The following CACNA2D4 variants were observed in gnomAD, a reference collection of about 807,000 sequenced individuals.
CACNA2D4 encodes the protein calcium voltage-gated channel auxiliary subunit alpha2delta 4, also known as voltage-dependent calcium channel subunit alpha-2/delta-4.
A neutral mutation model predicts 163.8 loss-of-function variants in CACNA2D4; 157 were observed. That is an observed-to-expected ratio of 0.96 (90% CI 0.84 to 1.09). The LOEUF (loss-of-function observed/expected upper bound fraction) is 1.09. Ranked by LOEUF, CACNA2D4 falls within the 50% of genes least tolerant of loss-of-function variation. CACNA2D4 has a pLI of 0.00. For synonymous variants in CACNA2D4, 598 were observed against 586.9 expected (o/e 1.02, Z -0.27); for missense variants, 1,410 against 1,479.9 (o/e 0.95, Z 0.78).
intron 32 of CACNA2D4, 62 bp downstream of exon 32, chr12:1,800,324 A>T: frequency 3.2e-6 from 5 of 1,556,800 alleles, no homozygotes; most frequent in Non-Finnish European, 1.8e-6. Flanking sequence ...CTGCTCAAGG[A>T]CACCCTCCTA....
At chr12:1,819,198 A>G (rs762234686) in intron 26 of CACNA2D4, among the ~76,000 whole-genome samples, 3 of 152,108 alleles carry the variant, frequency 2.0e-5, no homozygotes, top group Non-Finnish European at 4.4e-5. Context: ...TTTCAGGCCC[A>G]GGGAAGAACA....
In CACNA2D4 at chr12:1,828,787, A is replaced by G. The variant is rs899492083; in HGVS notation, c.2551+11952T>C. On this transcript the variant is annotated intron_variant, in intron 26 of 37. Coordinates refer to ENST00000382722, the MANE Select transcript of CACNA2D4 (RefSeq NM_172364.5). This position sits in a 1 kb window ranked among gnomAD's most constrained non-coding sequence, Gnocchi z 4.2. ...GGAGTGGGTCCAACCCCTCCTGCAT[A>G]TAGGCAGACTGAGCCGTCCATTTAC... Among the ~76,000 whole-genome samples, 1 of 152,160 alleles carries G rather than the reference A, an allele frequency of 6.6e-6. No individual in the cohort carries two copies.
In CACNA2D4 at chr12:1,907,535, G is replaced by T; in HGVS notation, c.686C>A (p.Ala229Asp). ...GTTCTCCACGAAGACAGCATTCAAG[G>T]CTTCAGACATGTAGACTCCATTTAA... is the stretch of plus-strand genomic sequence containing the variant. ...DILNGVYMSE[A>D]LNAVFVENFQ... Residue 229 changes from alanine (A) to aspartate (D), a missense_variant, in exon 6 of 38, where the codon GCC (alanine) becomes GAC (aspartate). Ala to Asp is a moderately radical substitution (Grantham distance 126). Coordinates refer to ENST00000382722, the MANE Select transcript of CACNA2D4 (RefSeq NM_172364.5). The T allele has an allele frequency of 6.2e-7, 1 of 1,613,200 alleles. No homozygotes were observed. The highest frequency in any genetic ancestry group is 8.5e-7 in the Non-Finnish European group (1 of 1,179,242).
rs865837928 is a variant in CACNA2D4 at position 1,798,222 on chromosome 12, C to T, written c.2996-687G>A. ...AGCCCCGCTCTGCAGGACCCGAGTC[C>T]GTTCCCTCCCGGAGCCTCCTGAGGT... On this transcript the variant is annotated intron_variant, in intron 34 of 37. Transcript: ENST00000382722. This position sits in a 1 kb window ranked among gnomAD's most constrained non-coding sequence, Gnocchi z 4.3. Among the ~76,000 whole-genome samples, 4 of 152,182 alleles carry T rather than the reference C, an allele frequency of 2.6e-5. No individual in the cohort carries two copies. Among genetic ancestry groups the T allele is most frequent in the Non-Finnish European group, 4.4e-5 (3 of 68,012 alleles).
chr12:1,793,886 C>T (rs1863041503), intron 37 of CACNA2D4, 127 bp from the exon 38 acceptor site: 2 of 700,276 alleles, frequency 2.9e-6, no homozygotes, highest in Non-Finnish European at 4.9e-6. Flanking sequence ...CGGGGAAGCA[C>T]TGCTACCTCT....
Position 1,875,015 on chromosome 12 carries a change from C to T in CACNA2D4, c.1806+236G>A, listed in dbSNP as rs1865854212. ...AGACTCTGCAGCTTATACACATGAT[C>T]TCATCCAGCCTCAGTAGTCCTTGTG... On this transcript the variant is annotated intron_variant, in intron 17 of 37. Transcript: ENST00000382722. The surrounding 1 kb of genome is among the most constrained non-coding windows in gnomAD (Gnocchi z 4.0). 6.6e-6 allele frequency among the ~76,000 whole-genome samples: 1 copy of T among 152,216 alleles called. No individual in the cohort carries two copies. The highest frequency in any genetic ancestry group is 2.1e-4 in the South Asian group (1 of 4,830).
rs775167797 is a variant in CACNA2D4, at chr12:1,840,799, C to T, written c.2491G>A (p.Val831Met). The T allele has an allele frequency of 1.9e-6, 3 of 1,613,638 alleles. No homozygotes were observed. In the African/African-American group the frequency reaches 4.0e-5, roughly 22 times the overall value. ...EGPESAGEPMVVTASTAVAVT... is the reference protein window; with the variant it reads ...EGPESAGEPMMVTASTAVAVT... ...GCCACAGCTGTGCTTGCCGTCACCA[C>T]CATGGGTTCACCCGCACTTTCTGGG... The change falls in exon 26 of 38, where the codon GTG becomes ATG. Residue 831 changes from valine to methionine, a missense_variant. Coordinates refer to ENST00000382722, the MANE Select transcript of CACNA2D4 (RefSeq NM_172364.5).
intron 23 of CACNA2D4, 140 bp downstream of exon 23, chr12:1,853,811 G>T: frequency 1.6e-6 from 1 of 634,666 alleles, no homozygotes; most frequent in Non-Finnish European, 2.8e-6. Flanking sequence ...CCAGTGCCCA[G>T]GGGGACCTCC....
intron 26 of CACNA2D4, chr12:1,835,404 A>T (rs1173383915): frequency 6.6e-6 from 1 of 152,420 alleles, no homozygotes; most frequent in African/African-American, 2.4e-5. Flanking sequence ...GTGCGGTCAC[A>T]TGGATTGAAA....
intron 37 of CACNA2D4, among the ~76,000 whole-genome samples, chr12:1,794,469 C>G (rs531868721): frequency 5.3e-5 from 8 of 152,276 alleles, no homozygotes; most frequent in South Asian, 2.1e-4. Flanking sequence ...TTACAGGGCT[C>G]GGTCCCACAA....
At chr12:1,814,597 C>T (rs1294774497) in intron 26 of CACNA2D4, among the ~76,000 whole-genome samples, 6 of 152,218 alleles carry the variant, frequency 3.9e-5, no homozygotes. Context: ...TTCTCCATTT[C>T]AGGACACATT....
At chr12:1,886,106 C>T in intron 8 of CACNA2D4, 67 bp from the exon 9 acceptor site, 1 of 1,542,376 alleles carries the variant, frequency 6.5e-7, no homozygotes, top group East Asian at 2.2e-5. Flanking sequence ...AAAGTCCAGG[C>T]CCAGCAAAGA....
chr12:1,814,661 A>AGT (rs1863818845), intron 26 of CACNA2D4, among the ~76,000 whole-genome samples: 1 of 152,166 alleles, frequency 6.6e-6, no homozygotes, highest in Non-Finnish European at 1.5e-5. Flanking sequence ...TGCACACCTC[A>AGT]GTTCCAAAAC....
At chr12:1,907,784 ATGCCTGGTGGGTG>A (rs1205825949) in intron 5 of CACNA2D4, 78 bp downstream of exon 5, 10 of 144,344 alleles carry the variant, frequency 6.9e-5, no homozygotes, top group East Asian at 1.5e-4. Context: ...CCTGGTGAGT[ATGCCTGGTGGGTG>A]TGCCTGGTGG....
intron 9 of CACNA2D4, among the ~76,000 whole-genome samples, chr12:1,885,677 A>C (rs766887065): frequency 1.1e-4 from 16 of 152,246 alleles, no homozygotes; most frequent in Non-Finnish European, 2.1e-4. Context: ...GGTGGGAGGC[A>C]AAAGGGGAAA....
intron 22 of CACNA2D4, among the ~76,000 whole-genome samples, chr12:1,854,717 T>C (rs1325547908): frequency 6.6e-6 from 1 of 152,206 alleles, no homozygotes; most frequent in African/African-American, 2.4e-5. Context: ...GTTCTGTGAA[T>C]TTGACCTTGC....
chr12:1,908,359 G>T (rs981813216), intron 4 of CACNA2D4, among the ~76,000 whole-genome samples: 1 of 152,220 alleles, frequency 6.6e-6, no homozygotes, highest in Non-Finnish European at 1.5e-5. Context: ...TCAAGGACAG[G>T]TAGAGACAAA....
chr12:1,915,463 G>A (rs1276588954), intron 1 of CACNA2D4, among the ~76,000 whole-genome samples: 1 of 152,214 alleles, frequency 6.6e-6, no homozygotes. Context: ...TGAGGACAAA[G>A]GACAACCTGC....
At position 1,862,781 on chromosome 12, in the gene CACNA2D4, C is replaced by T. The variant is rs1010107381; in HGVS notation, c.1879-2575G>A. On this transcript the variant is annotated intron_variant, in intron 18 of 37. Coordinates refer to ENST00000382722, the MANE Select transcript of CACNA2D4 (RefSeq NM_172364.5). ...GAGCATCCTTGCACAGCTTCCTTTA[C>T]GAAGTGTCTGCTCAGTGCTCTGAGC... is the stretch of plus-strand genomic sequence containing the variant. Among the ~76,000 whole-genome samples, 7 of 152,314 alleles carry T rather than the reference C, an allele frequency of 4.6e-5. No homozygotes were observed. In the South Asian group the frequency reaches 6.2e-4, roughly 14 times the overall value.
Sources: allele counts gnomAD v4.1 joint callset (sites outside exome capture counted in the v4.1 genomes callset), GRCh38; gene constraint gnomAD v4.1.1; non-coding constraint Gnocchi (gnomAD v3.1); transcripts MANE v1.5; gene names NCBI Gene and HGNC (gene_info 2026-07-23, HGNC 2026-07-21).